The following LRRC27 variants were observed in gnomAD, a reference collection of about 807,000 sequenced individuals.
LRRC27 encodes the protein leucine rich repeat containing 27.
Under a neutral mutation model 55.0 loss-of-function variants are expected in LRRC27, and 57 were observed. The ratio of observed to expected loss-of-function variants is 1.04; its 90% CI spans 0.84 to 1.29. The LOEUF (loss-of-function observed/expected upper bound fraction) is 1.29. Ranked by LOEUF, LRRC27 falls within the 50% of genes most tolerant of loss-of-function variation. The pLI is 0.00. For missense variants in LRRC27, 721 were observed against 651.5 expected, an observed-to-expected ratio of 1.11 and a Z score of -1.16; for synonymous variants, 278 against 251.9, an observed-to-expected ratio of 1.10 and a Z score of -0.98.
At chr10:132,334,569 G>C (rs1020672836) in intron 2 of LRRC27, among the ~76,000 whole-genome samples, 16 of 152,158 alleles carry the variant, frequency 1.1e-4, no homozygotes, top group African/African-American at 3.6e-4. Context: ...GCTTCTACAA[G>C]AGCTACATAT....
At chr10:132,364,457 ACACCCACCCACACTTACACC>A (rs2068859991) in intron 9 of LRRC27, among the ~76,000 whole-genome samples, 1 of 70,454 alleles carries the variant, frequency 1.4e-5, no homozygotes, top group Non-Finnish European at 2.9e-5. Context: ...ACCCACACTC[ACACCCACCCACACTTACACC>A]CACCCACACT....
intron 4 of LRRC27, among the ~76,000 whole-genome samples, chr10:132,343,165 A>G (rs2067501620): frequency 6.6e-6 from 1 of 152,164 alleles, no homozygotes; most frequent in Non-Finnish European, 1.5e-5. Context: ...ATAAAATAAA[A>G]TTAGCCAGGT....
intron 9 of LRRC27, 86 bp from the exon 10 acceptor site, chr10:132,365,338 C>T (rs1290854961): frequency 1.3e-6 from 2 of 1,546,570 alleles, no homozygotes; most frequent in African/African-American, 2.7e-5. Flanking sequence ...AAGAAAGGCA[C>T]ATGCTTTCTC....
Position 132,342,616 on chromosome 10 carries a change from C to G in LRRC27, c.400+345C>G, listed in dbSNP as rs902533965. On this transcript the variant is annotated intron_variant, in intron 4 of 10. Transcript: ENST00000368614. Reference sequence around the variant, plus strand: ...CCTTCCTGGGAAGTTTTACCACTTACGTATGTTCCTAGGCCCCATCATGAC... The same window carrying G: ...CCTTCCTGGGAAGTTTTACCACTTAGGTATGTTCCTAGGCCCCATCATGAC... Among the ~76,000 whole-genome samples, 6 of 152,220 alleles carry G rather than the reference C, an allele frequency of 3.9e-5. No homozygotes were observed. In the South Asian group the frequency reaches 1.0e-3, roughly 26 times the overall value.
chr10:132,330,599 C>G (rs1308755777), upstream of LRRC27: 3 of 698,494 alleles, frequency 4.3e-6, no homozygotes, highest in East Asian at 8.1e-5. Context: ...CCTCAAAATC[C>G]TAGGTTCAAG....
chr10:132,358,606 G>A (rs2068433651), intron 8 of LRRC27, among the ~76,000 whole-genome samples: 1 of 136,756 alleles, frequency 7.3e-6, no homozygotes, highest in Non-Finnish European at 1.6e-5. Context: ...GTAGGGAGGA[G>A]CCGAGGTGGT....
chr10:132,336,816 T>C, intron 2 of LRRC27: 1 of 764,290 alleles, frequency 1.3e-6, no homozygotes, highest in Non-Finnish European at 2.4e-6. Context: ...TGGATATAAA[T>C]ACATATAATA....
At chr10:132,350,497 C>T (rs149298506) in intron 6 of LRRC27, 2,218 of 152,484 alleles carry the variant, frequency 0.015, 45 homozygotes, top group South Asian at 0.048. Flanking sequence ...ACAGGCCATG[C>T]CTGCCCTCTC....
chr10:132,359,863 C>T (rs188060810), intron 8 of LRRC27, among the ~76,000 whole-genome samples: 33 of 152,322 alleles, frequency 2.2e-4, no homozygotes, highest in Admixed American at 7.2e-4. Context: ...CAAACCCTGG[C>T]GCAAAGCCCA....
chr10:132,377,981 A>G lies in LRRC27; in HGVS notation c.*2739A>G, dbSNP rs1047918046. 1.4e-4 allele frequency: 21 copies of G among 152,282 alleles called. No individual in the cohort carries two copies. Among genetic ancestry groups the G allele is most frequent in the African/African-American group, 5.1e-4 (21 of 41,572 alleles). 9.4% of individuals were successfully genotyped at this position (152,282 alleles called of 1,614,324 possible). On this transcript the variant is annotated 3_prime_UTR_variant, in exon 11 of 11. Coordinates refer to ENST00000368614, the MANE Select transcript of LRRC27 (RefSeq NM_030626.3). ...TGGATCACGAGGTCAGGAGATCGAG[A>G]CCATCCTGGCTAACACGGTGAAACC... is the stretch of plus-strand genomic sequence containing the variant.
At chr10:132,338,870 C>T (rs371161567) in intron 3 of LRRC27, among the ~76,000 whole-genome samples, 92 of 152,114 alleles carry the variant, frequency 6.0e-4, no homozygotes, top group East Asian at 3.3e-3. Flanking sequence ...CCACCATGCC[C>T]GGCTAATTTT....
intron 5 of LRRC27, among the ~76,000 whole-genome samples, chr10:132,346,506 C>G (rs1045051212): frequency 1.3e-5 from 2 of 152,140 alleles, no homozygotes; most frequent in African/African-American, 4.8e-5. Flanking sequence ...GAAACCCTGT[C>G]TCTACTAAAA....
At position 132,348,468 on chromosome 10, in the gene LRRC27, CA is replaced by C; in HGVS notation, c.926+113del. ...GCTTTTAAAGTGTCCTCCACGTTGC[CA>C]CCGTTTACTGTGCAGTGAGTGCCGG... On this transcript the variant is annotated intron_variant, in intron 6 of 10. Coordinates refer to ENST00000368614, the MANE Select transcript of LRRC27 (RefSeq NM_030626.3). The surrounding 1 kb of genome is among the most constrained non-coding windows in gnomAD (Gnocchi z 4.2). 7.0e-7 allele frequency: 1 copy of C among 1,423,970 alleles called. No homozygotes were observed. The highest frequency in any genetic ancestry group is 9.5e-7 in the Non-Finnish European group (1 of 1,048,426). The allele number at this position is 1,423,970 out of a possible 1,614,324, so 88.2% of individuals were successfully genotyped here.
At chr10:132,351,830 C>G in intron 7 of LRRC27, 77 bp downstream of exon 7, 2 of 1,483,212 alleles carry the variant, frequency 1.3e-6, no homozygotes, top group South Asian at 1.3e-5. Context: ...GATTTTATGG[C>G]AGGCCTCGTG....
intron 10 of LRRC27, among the ~76,000 whole-genome samples, chr10:132,369,883 T>C (rs1012408355): frequency 3.3e-5 from 5 of 152,176 alleles, no homozygotes; most frequent in Non-Finnish European, 7.3e-5. Context: ...CCTGGTTACA[T>C]GCAGAGCAGT....
chr10:132,344,571 G>A lies in LRRC27; in HGVS notation c.474G>A (p.Gln158=), dbSNP rs1215467997. ...AATTCCCTCCTCAGCTCGTTGTGCA[G>A]AAGGGATTGGTGGCTATCCAGCGCT... The part of the protein sequence containing the change: ...PLEFPPQLVV[Q]KGLVAIQRFL... The change falls in exon 5 of 11, where the codon CAG becomes CAA. Residue 158 remains glutamine, a synonymous_variant. Coordinates refer to ENST00000368614, the MANE Select transcript of LRRC27 (RefSeq NM_030626.3). 1.9e-6 allele frequency: 3 copies of A among 1,614,184 alleles called. No individual in the cohort carries two copies. In the East Asian group the frequency reaches 6.7e-5, roughly 36 times the overall value.
rs142092642 is a variant in LRRC27 at position 132,344,512 on chromosome 10, C to T, written c.415C>T (p.Leu139=). 17 of 1,613,462 alleles carry T rather than the reference C, an allele frequency of 1.1e-5. No individual in the cohort carries two copies. Among genetic ancestry groups the T allele is most frequent in the Non-Finnish European group, 1.4e-5 (17 of 1,179,554 alleles). ...CTCCACTGCAGGGAGCGTAACCACG[C>T]TGAAAGCACTGAACCTAAGACACTG... ...LPVELGSVTT[L]KALNLRHCPL... Residue 139 remains leucine (L), a synonymous_variant, in exon 5 of 11, where the codon CTG becomes TTG. Transcript: ENST00000368614.
At chr10:132,366,608 C>T (rs1246405077) in intron 10 of LRRC27, 2 of 168,368 alleles carry the variant, frequency 1.2e-5, no homozygotes, top group Admixed American at 6.4e-5. Flanking sequence ...CCCCACCCTT[C>T]CTGCAGCCAT....
rs1345799710 is a variant in LRRC27 at position 132,374,440 on chromosome 10, A to T, written c.1417-626A>T. Among the ~76,000 whole-genome samples, 17 of 152,030 alleles carry T rather than the reference A, an allele frequency of 1.1e-4. No individual in the cohort carries two copies. On this transcript the variant is annotated intron_variant, in intron 10 of 10. Coordinates refer to ENST00000368614, the MANE Select transcript of LRRC27 (RefSeq NM_030626.3). This position sits in a 1 kb window ranked among gnomAD's most constrained non-coding sequence, Gnocchi z 4.4. ...ATCCCCTCCTCAGTTTATCCACCTG[A>T]GGGCCCCCCGCAGTGCCCTCCTCAG... is the stretch of plus-strand genomic sequence containing the variant.
Sources: allele counts gnomAD v4.1 joint callset (sites outside exome capture counted in the v4.1 genomes callset), GRCh38; gene constraint gnomAD v4.1.1; non-coding constraint Gnocchi (gnomAD v3.1); transcripts MANE v1.5; gene names NCBI Gene and HGNC (gene_info 2026-07-23, HGNC 2026-07-21).